SAMD5: variants seen among roughly 807,000 people sequenced by gnomAD.
The protein encoded by SAMD5 is sterile alpha motif domain containing 5.
SAMD5 carries 13 observed loss-of-function variants against 11.3 expected under a neutral mutation model. The ratio of observed to expected loss-of-function variants is 1.15; its 90% CI spans 0.75 to 1.83. The LOEUF is 1.83. SAMD5 is among the 40% of genes most tolerant of loss of function. The pLI is 0.00. For missense variants in SAMD5, 255 were observed against 239.1 expected (o/e 1.07, Z -0.44); for synonymous variants, 129 against 111.3 (o/e 1.16, Z -1.00).
intron 1 of SAMD5, among the ~76,000 whole-genome samples, chr6:147,635,442 A>G (rs922375538): frequency 3.3e-5 from 5 of 152,236 alleles, no homozygotes; most frequent in Non-Finnish European, 4.4e-5. Flanking sequence ...TTCAAACTGC[A>G]TTTGATTGAC....
At chr6:147,906,332 A>C in the SAMD5 span, among the ~76,000 whole-genome samples, 1 of 152,178 alleles carries the variant, frequency 6.6e-6, no homozygotes, top group Non-Finnish European at 1.5e-5. Flanking sequence ...AAGATATACC[A>C]ACTTTCTTCT....
At chr6:147,797,593 A>C in the SAMD5 span, among the ~76,000 whole-genome samples, 1 of 118,540 alleles carries the variant, frequency 8.4e-6, no homozygotes, top group East Asian at 2.5e-4. Flanking sequence ...AAAATGAGTT[A>C]GGGAGGATTC....
intron 1 of SAMD5, among the ~76,000 whole-genome samples, chr6:147,630,990 C>T (rs1036815093): frequency 6.7e-4 from 102 of 152,288 alleles, no homozygotes; most frequent in African/African-American, 2.2e-3. Context: ...CGCGGGGACA[C>T]CTGCCTTGAT....
At chr6:147,854,294 G>A in the SAMD5 span, among the ~76,000 whole-genome samples, 2 of 152,182 alleles carry the variant, frequency 1.3e-5, no homozygotes, top group Non-Finnish European at 2.9e-5. Flanking sequence ...GAAACGAGAA[G>A]GTTTGGTCAG....
the SAMD5 span, among the ~76,000 whole-genome samples, chr6:147,761,784 G>GCTCACTGCAATCTCTGC: frequency 2.0e-5 from 3 of 152,112 alleles, no homozygotes; most frequent in South Asian, 6.2e-4. Context: ...CAAGTTCTCG[G>GCTCACTGCAATCTCTGC]CTCACTGCAA....
At chr6:147,533,152 A>G (rs1788455577) in intron 1 of SAMD5, among the ~76,000 whole-genome samples, 1 of 152,140 alleles carries the variant, frequency 6.6e-6, no homozygotes, top group Non-Finnish European at 1.5e-5. Context: ...GCCCAGACCA[A>G]TCCACCAAGC....
At chr6:147,788,638 T>C in the SAMD5 span, among the ~76,000 whole-genome samples, 1 of 152,206 alleles carries the variant, frequency 6.6e-6, no homozygotes, top group Non-Finnish European at 1.5e-5. Flanking sequence ...TATAGCGTAG[T>C]GGTTAAGAAT....
the SAMD5 span, among the ~76,000 whole-genome samples, chr6:147,899,696 T>C: frequency 1.3e-5 from 2 of 152,220 alleles, no homozygotes; most frequent in South Asian, 4.1e-4. Flanking sequence ...GTGACCTTTG[T>C]GTGTGGACTA....
intron 1 of SAMD5, among the ~76,000 whole-genome samples, chr6:147,704,283 G>A (rs1791296035): frequency 6.6e-6 from 1 of 151,968 alleles, no homozygotes. Context: ...CCTACAAAAA[G>A]AGGCATACAG....
chr6:147,903,147 G>A, the SAMD5 span, among the ~76,000 whole-genome samples: 7 of 152,156 alleles, frequency 4.6e-5, no homozygotes, highest in Admixed American at 4.6e-4. Context: ...TGGAGCCACT[G>A]TTCCATGGCT....
intron 1 of SAMD5, among the ~76,000 whole-genome samples, chr6:147,591,359 C>G (rs1005351264): frequency 6.6e-6 from 1 of 152,176 alleles, no homozygotes; most frequent in Non-Finnish European, 1.5e-5. Flanking sequence ...GTATCCCTCA[C>G]GTGCCCAGCA....
chr6:147,795,856 A>G, the SAMD5 span, among the ~76,000 whole-genome samples: 1 of 152,100 alleles, frequency 6.6e-6, no homozygotes, highest in African/African-American at 2.4e-5. Flanking sequence ...TGGCTGCATA[A>G]ATGTGTTCTT....
the SAMD5 span, among the ~76,000 whole-genome samples, chr6:147,744,899 C>CAGTAAATAAATAAATA: frequency 7.3e-6 from 1 of 137,296 alleles, no homozygotes; most frequent in Non-Finnish European, 1.5e-5. Flanking sequence ...CTCTGTCTCA[C>CAGTAAATAAATAAATA]AATAAATAAA....
the SAMD5 span, among the ~76,000 whole-genome samples, chr6:147,802,123 C>T: frequency 6.6e-6 from 1 of 152,170 alleles, no homozygotes; most frequent in Non-Finnish European, 1.5e-5. Context: ...AGGTAAGTTA[C>T]ACACTGGGAG....
the SAMD5 span, among the ~76,000 whole-genome samples, chr6:147,867,446 A>G: frequency 3.2e-4 from 49 of 152,290 alleles, no homozygotes; most frequent in South Asian, 6.0e-3. Context: ...AGCTTTAGAA[A>G]TAATATGTAA....
chr6:147,826,180 T>G, the SAMD5 span, among the ~76,000 whole-genome samples: 1 of 152,260 alleles, frequency 6.6e-6, no homozygotes. Flanking sequence ...TTACTATAGC[T>G]AATGTGCATT....
chr6:147,738,218 C>T (rs749689226), downstream of SAMD5, among the ~76,000 whole-genome samples: 26 of 152,188 alleles, frequency 1.7e-4, 1 homozygote, highest in South Asian at 4.2e-4. Context: ...TGCAGGAAGG[C>T]GCAGGTCTGC....
rs1298334802 is a variant in SAMD5 at position 147,566,017 on chromosome 6, T to A, written c.*1561T>A. The A allele has an allele frequency of 1.0e-6, 1 of 985,256 alleles. No homozygotes were observed. The highest frequency in any genetic ancestry group is 1.2e-6 in the Non-Finnish European group (1 of 829,892). The allele number at this position is 985,256 out of a possible 1,614,324, so 61.0% of individuals were successfully genotyped here. ...AAGGAAAAGAAACTTACATTCACTTTTTCCTGGTCCATTTTGGTTCCTAAG... is the reference window on the plus strand; with the variant it reads ...AAGGAAAAGAAACTTACATTCACTTATTCCTGGTCCATTTTGGTTCCTAAG... On this transcript the variant is annotated 3_prime_UTR_variant, in exon 2 of 2. Transcript: ENST00000367474.
intron 1 of SAMD5, among the ~76,000 whole-genome samples, chr6:147,586,482 C>G (rs1404376976): frequency 2.6e-5 from 4 of 152,064 alleles, no homozygotes; most frequent in Admixed American, 2.6e-4. Context: ...TGAAACAGCT[C>G]TATGGATATT....
Sources: allele counts gnomAD v4.1 joint callset (sites outside exome capture counted in the v4.1 genomes callset), GRCh38; gene constraint gnomAD v4.1.1; transcripts MANE v1.5; gene names NCBI Gene and HGNC (gene_info 2026-07-23, HGNC 2026-07-21).